The following UNC13C variants were observed in gnomAD, a reference collection of about 807,000 sequenced individuals.
The protein encoded by UNC13C is protein unc-13 homolog C.
UNC13C carries 174 observed loss-of-function variants against 245.4 expected under a neutral mutation model. The ratio of observed to expected loss-of-function variants is 0.71; its 90% CI spans 0.63 to 0.80. The LOEUF (loss-of-function observed/expected upper bound fraction) is 0.80, where lower values mean the gene tolerates loss of function less well. Among genes scored for constraint, UNC13C ranks in the 30% least tolerant of loss-of-function variants. The pLI is 0.00. For synonymous variants in UNC13C, 992 were observed against 895.1 expected (o/e 1.11, Z -1.93); for missense variants, 2,829 against 2,602.9 (o/e 1.09, Z -1.89).
intron 23 of UNC13C, 65 bp downstream of exon 23, chr15:54,507,259 G>C: frequency 1.9e-6 from 2 of 1,062,444 alleles, no homozygotes; most frequent in Non-Finnish European, 2.8e-6. Flanking sequence ...CAAAGTATGA[G>C]TAAGCAAGAT....
At chr15:54,557,134 G>A (rs1191985120) in intron 29 of UNC13C, among the ~76,000 whole-genome samples, 1 of 151,880 alleles carries the variant, frequency 6.6e-6, no homozygotes, top group African/African-American at 2.4e-5. Flanking sequence ...TGTTCTTTGT[G>A]GACAAAACTA....
intron 2 of UNC13C, among the ~76,000 whole-genome samples, chr15:54,108,336 G>C (rs909693964): frequency 3.3e-5 from 5 of 151,984 alleles, no homozygotes; most frequent in African/African-American, 1.2e-4. Flanking sequence ...ACAGGCGCCC[G>C]CCACCACGCC....
At chr15:54,197,030 C>T (rs186207486) in intron 4 of UNC13C, among the ~76,000 whole-genome samples, 1 of 151,656 alleles carries the variant, frequency 6.6e-6, no homozygotes, top group East Asian at 1.9e-4. Flanking sequence ...TACGTTGTGC[C>T]CATGTACCCT....
chr15:54,338,694 G>C (rs1459107351), intron 17 of UNC13C, among the ~76,000 whole-genome samples: 1 of 151,920 alleles, frequency 6.6e-6, no homozygotes, highest in Non-Finnish European at 1.5e-5. Flanking sequence ...ACTTTATCTA[G>C]TAAAGGCACA....
At chr15:54,017,484 ATGTGTGTGTG>A (rs3985786) in intron 2 of UNC13C, among the ~76,000 whole-genome samples, 1 of 147,484 alleles carries the variant, frequency 6.8e-6, no homozygotes, top group Non-Finnish European at 1.5e-5. Flanking sequence ...GTGCATGAGC[ATGTGTGTGTG>A]TGTGTGTGTG....
chr15:54,481,882 G>A (rs1423963854), intron 19 of UNC13C, among the ~76,000 whole-genome samples: 2 of 152,128 alleles, frequency 1.3e-5, no homozygotes, highest in African/African-American at 4.8e-5. Context: ...GGCAGCAGTG[G>A]TGATGTGCAG....
At chr15:54,040,866 C>T (rs1174713530) in intron 2 of UNC13C, among the ~76,000 whole-genome samples, 1 of 152,184 alleles carries the variant, frequency 6.6e-6, no homozygotes, top group East Asian at 1.9e-4. Context: ...CCTCTACCTC[C>T]TCCCAGTCTT....
intron 13 of UNC13C, among the ~76,000 whole-genome samples, chr15:54,311,853 CTTTAAAG>C (rs1402387679): frequency 1.3e-5 from 2 of 151,632 alleles, no homozygotes. Flanking sequence ...GCATGATGTA[CTTTAAAG>C]TTTATGTAGT....
chr15:54,220,160 G>C (rs890048093), intron 4 of UNC13C, among the ~76,000 whole-genome samples: 1 of 151,002 alleles, frequency 6.6e-6, no homozygotes, highest in Non-Finnish European at 1.5e-5. Context: ...TGTTTACTGC[G>C]GCACTATTCA....
At chr15:54,230,168 C>T in intron 4 of UNC13C, among the ~76,000 whole-genome samples, 1 of 152,050 alleles carries the variant, frequency 6.6e-6, no homozygotes, top group East Asian at 1.9e-4. Flanking sequence ...ATCTACACCT[C>T]ATTTTCCACA....
intron 30 of UNC13C, among the ~76,000 whole-genome samples, chr15:54,581,060 A>G (rs1371301581): frequency 6.6e-6 from 1 of 152,216 alleles, no homozygotes; most frequent in Non-Finnish European, 1.5e-5. Flanking sequence ...GTATGAAGAG[A>G]AAAAAGAATC....
chr15:54,622,514 T>C, intron 31 of UNC13C, 95 bp downstream of exon 31: 1 of 1,014,524 alleles, frequency 9.9e-7, no homozygotes, highest in South Asian at 1.5e-5. Flanking sequence ...TTAAAAAAAC[T>C]GCACAATTAT....
chr15:54,630,664 T>G (rs1387251985), downstream of UNC13C: 1 of 152,140 alleles, frequency 6.6e-6, no homozygotes, highest in East Asian at 1.9e-4. Context: ...GTGTTTATAC[T>G]CAAGTCCTTT....
intron 10 of UNC13C, among the ~76,000 whole-genome samples, chr15:54,283,154 C>A (rs1160997383): frequency 6.6e-6 from 1 of 152,120 alleles, no homozygotes; most frequent in Non-Finnish European, 1.5e-5. Flanking sequence ...GGCTTTCAGG[C>A]TTTAAACTGT....
chr15:53,945,782 T>C, the UNC13C span, among the ~76,000 whole-genome samples: 1 of 152,162 alleles, frequency 6.6e-6, no homozygotes, highest in African/African-American at 2.4e-5. Flanking sequence ...GTTATGTGAA[T>C]AATATTATTG....
the UNC13C span, among the ~76,000 whole-genome samples, chr15:53,846,417 C>T: frequency 6.6e-6 from 1 of 152,128 alleles, no homozygotes; most frequent in East Asian, 1.9e-4. Flanking sequence ...TTTATGATAA[C>T]CAATGAGTCC....
the UNC13C span, among the ~76,000 whole-genome samples, chr15:53,844,388 T>C: frequency 6.6e-6 from 1 of 152,148 alleles, no homozygotes; most frequent in South Asian, 2.1e-4. Context: ...ACTTTGGTAT[T>C]GACTGAGCTC....
intron 10 of UNC13C, among the ~76,000 whole-genome samples, chr15:54,285,413 T>A (rs1380521442): frequency 6.6e-6 from 1 of 152,206 alleles, no homozygotes; most frequent in Non-Finnish European, 1.5e-5. Context: ...CTTCATGCAA[T>A]AACAAGTGAG....
intron 1 of UNC13C, among the ~76,000 whole-genome samples, chr15:53,995,532 A>G (rs1894590396): frequency 7.9e-6 from 1 of 127,114 alleles, no homozygotes; most frequent in Admixed American, 1.1e-4. Context: ...TGACTGCTTA[A>G]GTAAAAACTT....
Sources: allele counts gnomAD v4.1 joint callset (sites outside exome capture counted in the v4.1 genomes callset), GRCh38; gene constraint gnomAD v4.1.1; transcripts MANE v1.5; gene names NCBI Gene and HGNC (gene_info 2026-07-23, HGNC 2026-07-21).